The following LIN52 variants were observed in gnomAD, a reference collection of about 807,000 sequenced individuals.
The protein encoded by LIN52 is lin-52 DREAM MuvB core complex component.
In LIN52, 4 loss-of-function variants were observed where a neutral mutation model predicts 18.5. The observed-to-expected ratio is 0.22, with a 90% confidence interval of 0.11 to 0.49. The LOEUF is 0.49. Ranked by LOEUF, LIN52 falls within the 20% of genes least tolerant of loss-of-function variation. The pLI is 0.97. For synonymous variants in LIN52, 34 were observed against 45.5 expected (o/e 0.75, Z 1.02); for missense variants, 102 against 139.5 (o/e 0.73, Z 1.35).
chr14:74,114,842 G>T (rs2060954663), intron 5 of LIN52, among the ~76,000 whole-genome samples: 1 of 152,164 alleles, frequency 6.6e-6, no homozygotes, highest in Admixed American at 6.5e-5. Flanking sequence ...AAGTTGACTT[G>T]TGAAGTCCCT....
intron 5 of LIN52, among the ~76,000 whole-genome samples, chr14:74,103,426 G>GA (rs2060873275): frequency 2.7e-5 from 3 of 111,442 alleles, no homozygotes; most frequent in Non-Finnish European, 1.8e-5. Context: ...CAAAATGTAA[G>GA]ATTTTTTTTT....
intron 5 of LIN52, among the ~76,000 whole-genome samples, chr14:74,171,605 T>TAAAAG (rs2061270781): frequency 1.3e-5 from 2 of 151,994 alleles, no homozygotes; most frequent in African/African-American, 4.8e-5. Context: ...AGAAATTTAG[T>TAAAAG]AAAAGAATGT....
At chr14:74,095,407 C>CT (rs1240907756) in intron 2 of LIN52, among the ~76,000 whole-genome samples, 1 of 151,782 alleles carries the variant, frequency 6.6e-6, no homozygotes, top group Non-Finnish European at 1.5e-5. Context: ...AGTGCTGGGA[C>CT]TACAGGCATG....
intron 3 of LIN52, 70 bp from the exon 4 acceptor site, chr14:74,097,724 C>A: frequency 8.4e-7 from 1 of 1,197,116 alleles, no homozygotes; most frequent in Non-Finnish European, 1.2e-6. Flanking sequence ...CCAGGCTACA[C>A]TTCTTATAAG....
intron 5 of LIN52, among the ~76,000 whole-genome samples, chr14:74,101,958 A>G (rs1480552433): frequency 6.6e-6 from 1 of 152,090 alleles, no homozygotes; most frequent in African/African-American, 2.4e-5. Context: ...TTTTTTTTGT[A>G]GAGACAGAGT....
chr14:74,131,698 T>A (rs72627160), intron 5 of LIN52, among the ~76,000 whole-genome samples: 1 of 152,178 alleles, frequency 6.6e-6, no homozygotes, highest in African/African-American at 2.4e-5. Context: ...TCTTGGTTGC[T>A]AATAAAGTAA....
intron 5 of LIN52, among the ~76,000 whole-genome samples, chr14:74,170,180 A>G (rs2061264579): frequency 6.6e-6 from 1 of 152,222 alleles, no homozygotes; most frequent in Non-Finnish European, 1.5e-5. Flanking sequence ...AAAGTTGTTC[A>G]TTAGATGTGA....
At chr14:74,091,537 G>A (rs570456836) in intron 2 of LIN52, among the ~76,000 whole-genome samples, 1 of 152,102 alleles carries the variant, frequency 6.6e-6, no homozygotes, top group African/African-American at 2.4e-5. Flanking sequence ...GGGAGGCCGA[G>A]TTGGGAGGAT....
chr14:74,158,125 A>ATATTTT (rs1490797271), intron 5 of LIN52, among the ~76,000 whole-genome samples: 1 of 147,692 alleles, frequency 6.8e-6, no homozygotes, highest in African/African-American at 2.5e-5. Flanking sequence ...ATATATATAT[A>ATATTTT]TTTTTTTGAG....
intron 5 of LIN52, chr14:74,192,655 G>T: frequency 4.0e-6 from 1 of 251,978 alleles, no homozygotes; most frequent in South Asian, 4.6e-5. Context: ...AAGATTAAGA[G>T]GCATACACCA....
chr14:74,180,262 A>ATTTTTTTTTTTTTTTTTTTT (rs5809652), intron 5 of LIN52, among the ~76,000 whole-genome samples: 1 of 119,770 alleles, frequency 8.3e-6, no homozygotes, highest in Non-Finnish European at 1.6e-5. Flanking sequence ...GGGAGGAGGA[A>ATTTTTTTTTTTTTTTTTTTT]TTTTTTTTTT....
intron 5 of LIN52, among the ~76,000 whole-genome samples, chr14:74,148,186 C>T (rs1388604067): frequency 3.9e-5 from 6 of 152,064 alleles, no homozygotes; most frequent in Non-Finnish European, 1.5e-5. Flanking sequence ...TAAGTCCCTT[C>T]TAACTCTCCT....
intron 5 of LIN52, among the ~76,000 whole-genome samples, chr14:74,103,405 G>A (rs1239493139): frequency 2.0e-5 from 3 of 149,976 alleles, no homozygotes; most frequent in African/African-American, 4.9e-5. Context: ...TTCTCTTCAG[G>A]AACAGTGGCA....
chr14:74,144,645 C>T (rs2061146625), intron 5 of LIN52, among the ~76,000 whole-genome samples: 1 of 151,830 alleles, frequency 6.6e-6, no homozygotes, highest in Non-Finnish European at 1.5e-5. Context: ...CAAGACAGGA[C>T]CTTGACATTC....
intron 5 of LIN52, among the ~76,000 whole-genome samples, chr14:74,193,723 C>T (rs747329252): frequency 8.5e-5 from 13 of 152,050 alleles, no homozygotes; most frequent in Non-Finnish European, 1.5e-4. Flanking sequence ...AGGAAAGGAG[C>T]TCAGAAAAAT....
chr14:74,128,667 T>TGCA (rs1482702451), intron 5 of LIN52, among the ~76,000 whole-genome samples: 1 of 152,176 alleles, frequency 6.6e-6, no homozygotes, highest in African/African-American at 2.4e-5. Flanking sequence ...TGTGGCTGGG[T>TGCA]GCAGTGGCTC....
intron 5 of LIN52, among the ~76,000 whole-genome samples, chr14:74,164,103 T>C (rs1169666698): frequency 6.6e-6 from 1 of 151,756 alleles, no homozygotes; most frequent in Non-Finnish European, 1.5e-5. Flanking sequence ...TGCCTCAGCC[T>C]CCGGAGTAGC....
At chr14:74,150,804 G>T (rs76331271) in intron 5 of LIN52, among the ~76,000 whole-genome samples, 3,455 of 152,214 alleles carry the variant, frequency 0.023, 34 homozygotes, top group African/African-American at 0.029. Flanking sequence ...GGAAGCTCAT[G>T]AAAAAAGGAT....
At chr14:74,097,234 A>G (rs897263467) in intron 3 of LIN52, among the ~76,000 whole-genome samples, 2 of 152,154 alleles carry the variant, frequency 1.3e-5, no homozygotes, top group African/African-American at 4.8e-5. Context: ...GGCATAAATC[A>G]GTAATAGTGG....
Sources: allele counts gnomAD v4.1 joint callset (sites outside exome capture counted in the v4.1 genomes callset), GRCh38; gene constraint gnomAD v4.1.1; transcripts MANE v1.5; gene names NCBI Gene and HGNC (gene_info 2026-07-23, HGNC 2026-07-21).